The following EXOSC7 variants were observed in gnomAD, a reference collection of about 807,000 sequenced individuals.
EXOSC7 encodes the protein exosome complex component RRP42.
In EXOSC7, 25 loss-of-function variants were observed where a neutral mutation model predicts 34.3. The observed-to-expected ratio is 0.73, with a 90% CI of 0.53 to 1.02. EXOSC7 has a LOEUF of 1.02. EXOSC7 is among the 50% of genes least tolerant of loss of function. The pLI is 0.00. For synonymous variants in EXOSC7, 130 were observed against 143.0 expected, an observed-to-expected ratio of 0.91 and a Z score of 0.65; for missense variants, 370 against 368.5, an observed-to-expected ratio of 1.00 and a Z score of -0.03.
At position 44,976,266 on chromosome 3, in the gene EXOSC7, C is replaced by G. The variant is rs200518741; in HGVS notation, c.-12C>G. 1.3e-6 allele frequency: 2 copies of G among 1,548,834 alleles called. No homozygotes were observed. Among genetic ancestry groups the G allele is most frequent in the South Asian group, 2.4e-5 (2 of 83,720 alleles). ...CGCAGATGACGTGCGGCTCGTGGGG[C>G]AGCTCGGCAGCATGGCGTCCGTGAC... On this transcript the variant is annotated 5_prime_UTR_variant, in exon 1 of 8. Transcript: ENST00000265564.
intron 3 of EXOSC7, among the ~76,000 whole-genome samples, chr3:44,993,183 A>G (rs1039157162): frequency 1.3e-5 from 2 of 152,192 alleles, no homozygotes; most frequent in African/African-American, 4.8e-5. Context: ...TAACTCTCGC[A>G]GACACTTCAA....
intron 1 of EXOSC7, among the ~76,000 whole-genome samples, chr3:44,977,785 A>G (rs545605832): frequency 3.9e-4 from 59 of 152,342 alleles, no homozygotes; most frequent in African/African-American, 1.4e-3. Context: ...CTTCTTTGTT[A>G]CCGGAGCTTA....
chr3:45,001,557 A>ATTTGTTTGATGCCATTTCCAT lies in EXOSC7; in HGVS notation c.442_462dup (p.Leu148_Ile154dup). ...CCTTAGCTTCTGGAATGTGGTGGAA[A>ATTTGTTTGATGCCATTTCCAT]TTTGTTTGATGCCATTTCCATTGCT... On this transcript the variant is annotated inframe_insertion, in exon 5 of 8. Coordinates refer to ENST00000265564, the MANE Select transcript of EXOSC7 (RefSeq NM_015004.4). The ATTTGTTTGATGCCATTTCCAT allele has an allele frequency of 6.2e-7, 1 of 1,613,652 alleles. No individual in the cohort carries two copies. Among genetic ancestry groups the ATTTGTTTGATGCCATTTCCAT allele is most frequent in the Non-Finnish European group, 8.5e-7 (1 of 1,179,664 alleles).
At chr3:44,999,410 C>G (rs1389408611) in intron 4 of EXOSC7, among the ~76,000 whole-genome samples, 2 of 152,108 alleles carry the variant, frequency 1.3e-5, no homozygotes, top group Non-Finnish European at 2.9e-5. Flanking sequence ...ATTTTCTGAC[C>G]GGGCACAGTG....
At chr3:44,997,973 A>T in intron 4 of EXOSC7, among the ~76,000 whole-genome samples, 1 of 146,914 alleles carries the variant, frequency 6.8e-6, no homozygotes, top group South Asian at 2.2e-4. Context: ...ATACTCCTCT[A>T]CCCAGGTTTT....
intron 5 of EXOSC7, chr3:45,005,031 A>AG: frequency 2.3e-6 from 1 of 429,384 alleles, no homozygotes; most frequent in Non-Finnish European, 4.2e-6. Context: ...GTGTGGTGTG[A>AG]GGTAGGGATT....
At chr3:44,991,827 A>G (rs774226243) in intron 3 of EXOSC7, among the ~76,000 whole-genome samples, 2 of 152,170 alleles carry the variant, frequency 1.3e-5, no homozygotes, top group African/African-American at 2.4e-5. Flanking sequence ...CACAGGCCCA[A>G]GAGCTCCAGT....
chr3:44,991,941 A>G lies in EXOSC7; in HGVS notation c.254+2297A>G, dbSNP rs1010662684. ...AGCTAATGTAATCAGCCGGGCAAGT[A>G]GAATCACCATGAGAGAGTCACAAAA... On this transcript the variant is annotated intron_variant, in intron 3 of 7. Coordinates refer to ENST00000265564, the MANE Select transcript of EXOSC7 (RefSeq NM_015004.4). 9.2e-5 allele frequency among the ~76,000 whole-genome samples: 14 copies of G among 152,328 alleles called. 1 individual carries two copies. The highest frequency in any genetic ancestry group is 9.1e-4 in the Admixed American group (14 of 15,310).
At chr3:45,005,689 C>T (rs1056158299) in intron 6 of EXOSC7, among the ~76,000 whole-genome samples, 1 of 152,150 alleles carries the variant, frequency 6.6e-6, no homozygotes, top group African/African-American at 2.4e-5. Flanking sequence ...CTTCCACATA[C>T]CATGTGCTTC....
chr3:44,977,034 C>CA (rs199942682), intron 1 of EXOSC7: 3,414 of 150,070 alleles, frequency 0.023, 77 homozygotes, highest in Middle Eastern at 0.078. Flanking sequence ...AGCCGAGTCT[C>CA]AAAAAAAAAG....
chr3:44,995,229 C>T (rs747475397), intron 3 of EXOSC7, among the ~76,000 whole-genome samples: 15 of 152,256 alleles, frequency 9.9e-5, no homozygotes, highest in South Asian at 2.1e-4. Flanking sequence ...GTGATCCACC[C>T]GCCTTGGCCT....
intron 3 of EXOSC7, among the ~76,000 whole-genome samples, chr3:44,994,718 A>G (rs916735695): frequency 6.6e-6 from 1 of 151,916 alleles, no homozygotes; most frequent in Non-Finnish European, 1.5e-5. Flanking sequence ...CACCCTGAAC[A>G]ATTGCTTTCC....
At chr3:44,991,542 C>T (rs1263902799) in intron 3 of EXOSC7, among the ~76,000 whole-genome samples, 1 of 152,214 alleles carries the variant, frequency 6.6e-6, no homozygotes, top group South Asian at 2.1e-4. Flanking sequence ...CAAAGACATT[C>T]AGCCCAACCA....
At chr3:45,008,465 GAGCACTGTATAT>G (rs1707116631) in intron 7 of EXOSC7, among the ~76,000 whole-genome samples, 1 of 152,228 alleles carries the variant, frequency 6.6e-6, no homozygotes, top group Admixed American at 6.5e-5. Flanking sequence ...AGGCCAAAAT[GAGCACTGTATAT>G]AGCATGGAGT....
In EXOSC7 at chr3:44,983,289, G is replaced by A. The variant is rs554303048; in HGVS notation, c.58-5851G>A. Reference sequence around the variant, plus strand: ...AGGGTTGTTTTTGAGGATGCAGTGAGTTAATGCATGCCCCCAGAAGCAGGG... The same window carrying A: ...AGGGTTGTTTTTGAGGATGCAGTGAATTAATGCATGCCCCCAGAAGCAGGG... On this transcript the variant is annotated intron_variant, in intron 1 of 7. Coordinates refer to ENST00000265564, the MANE Select transcript of EXOSC7 (RefSeq NM_015004.4). 2.3e-3 allele frequency among the ~76,000 whole-genome samples: 357 copies of A among 152,314 alleles called. 1 individual carries two copies. The highest frequency in any genetic ancestry group is 4.1e-3 in the Non-Finnish European group (282 of 68,032).
intron 5 of EXOSC7, 118 bp from the exon 6 acceptor site, chr3:45,005,173 T>C: frequency 1.0e-5 from 12 of 1,153,602 alleles, no homozygotes; most frequent in Non-Finnish European, 1.5e-5. Flanking sequence ...TGATAAAGAA[T>C]AGGCATAGCG....
Position 44,997,120 on chromosome 3 carries a change from A to G in EXOSC7, c.288A>G (p.Arg96=). The G allele has an allele frequency of 6.2e-7, 1 of 1,613,962 alleles. No homozygotes were observed. The highest frequency in any genetic ancestry group is 8.5e-7 in the Non-Finnish European group (1 of 1,179,962). ...SASATPEFEG[R]GGDDLGTEIA... Reference sequence around the variant, plus strand: ...GTGCTACCCCTGAATTTGAAGGTAGAGGAGGTGATGACCTTGGCACCGAGA... The same window carrying G: ...GTGCTACCCCTGAATTTGAAGGTAGGGGAGGTGATGACCTTGGCACCGAGA... The change falls in exon 4 of 8, where the codon AGA becomes AGG. Residue 96 remains arginine (R), a synonymous_variant. Transcript: ENST00000265564.
Position 45,011,251 on chromosome 3 carries a change from G to C in EXOSC7, c.788G>C (p.Gly263Ala). 6.2e-7 allele frequency: 1 copy of C among 1,612,020 alleles called. No individual in the cohort carries two copies. The highest frequency in any genetic ancestry group is 8.5e-7 in the Non-Finnish European group (1 of 1,178,938). Residue 263 changes from glycine to alanine, a missense_variant, in exon 8 of 8, where the codon GGC (glycine) becomes GCC (alanine). By Grantham distance (60) the Gly-to-Ala change is moderately conservative. Coordinates refer to ENST00000265564, the MANE Select transcript of EXOSC7 (RefSeq NM_015004.4). ...TCTCCACAGACTGGCAAGCGTGTGG[G>C]CAAGGTACTGCATGCCTCCTTGCAG... ...FEMMETGKRVGKVLHASLQSV... is the reference protein window; with the variant it reads ...FEMMETGKRVAKVLHASLQSV...
Position 45,005,350 on chromosome 3 carries a change from A to G in EXOSC7, c.551A>G (p.Asp184Gly). ...GGGTCGAAGGACATTGAATTGTCAGATGACCCTTATGACTGCATACGACTA... is the reference window on the plus strand; with the variant it reads ...GGGTCGAAGGACATTGAATTGTCAGGTGACCCTTATGACTGCATACGACTA... ...EEGSKDIELSDDPYDCIRLSV... is the reference protein window; with the variant it reads ...EEGSKDIELSGDPYDCIRLSV... Residue 184 changes from aspartate (D) to glycine (G), a missense_variant, in exon 6 of 8, where the codon GAT (aspartate) becomes GGT (glycine). Around this residue, in one of 3 missense-constraint regions of EXOSC7, gnomAD observed 255 missense variants for 246.4 expected, o/e 1.03. Transcript: ENST00000265564. 1.9e-6 allele frequency: 3 copies of G among 1,613,960 alleles called. No homozygotes were observed. In the South Asian group the frequency reaches 3.3e-5, roughly 18 times the overall value.
Sources: gnomAD v4.1 joint callset for allele counts (sites outside exome capture counted in the v4.1 genomes callset) on GRCh38, gnomAD v4.1.1 for gene constraint, gnomAD v4.1.1 regional missense constraint, MANE v1.5 for transcripts, NCBI Gene and HGNC (gene_info 2026-07-23, HGNC 2026-07-21) for gene names.